The following TEPSIN variants were observed in gnomAD, a reference collection of about 807,000 sequenced individuals.
TEPSIN encodes the protein AP-4 complex accessory subunit tepsin.
Under a neutral mutation model 48.5 loss-of-function variants are expected in TEPSIN, and 50 were observed. That is an observed-to-expected ratio of 1.03 (90% CI 0.82 to 1.31). TEPSIN has a LOEUF of 1.31. TEPSIN is among the 50% of genes most tolerant of loss of function. The pLI is 0.00. For missense variants in TEPSIN, 838 were observed against 815.9 expected, an observed-to-expected ratio of 1.03 and a Z score of -0.33; for synonymous variants, 392 against 358.8, an observed-to-expected ratio of 1.09 and a Z score of -1.05.
chr17:81,238,971 A>G lies in TEPSIN; in HGVS notation c.48+15T>C, dbSNP rs1431356141. ...AGCCGTGGGACCGGGGCCCGGGCGG[A>G]CCGCCCTCACTCACCCGGTGTAGAA... On this transcript the variant is annotated intron_variant, in intron 1 of 12. Transcript: ENST00000637944. 4.8e-6 allele frequency: 7 copies of G among 1,447,382 alleles called. No homozygotes were observed. Among genetic ancestry groups the G allele is most frequent in the East Asian group, 6.1e-5 (2 of 33,026 alleles). 89.7% of individuals were successfully genotyped at this position (1,447,382 alleles called of 1,614,324 possible).
rs879020289 is a variant in TEPSIN, at chr17:81,231,946, G to T, written c.806C>A (p.Ser269Tyr). The change falls in exon 9 of 13, where the codon TCC (serine) becomes TAC (tyrosine). Residue 269 changes from serine to tyrosine, a missense_variant. Transcript: ENST00000637944. ...LDSGPSSQNS[S>Y]QNSDLSRVSD... ...GACCCTGCTCAGGTCGCTGTTCTGG[G>T]AGGAATTCTGAGAGCTGGGGCCGCT... 6.2e-7 allele frequency: 1 copy of T among 1,613,540 alleles called. No homozygotes were observed.
Position 81,231,385 on chromosome 17 carries a change from G to A in TEPSIN, c.1098+13C>T, listed in dbSNP as rs373829663. ...CACACAGTCACGCCCTCCCGCCCGC[G>A]TGTGCAGCTCACCAGCTGCGTGCAT... On this transcript the variant is annotated intron_variant, in intron 11 of 12. Transcript: ENST00000637944. 2.2e-5 allele frequency: 34 copies of A among 1,538,384 alleles called. No individual in the cohort carries two copies. The highest frequency in any genetic ancestry group is 2.7e-5 in the African/African-American group (2 of 72,964).
At position 81,233,602 on chromosome 17, in the gene TEPSIN, G is replaced by T; in HGVS notation, c.454+36C>A. The T allele has an allele frequency of 6.3e-7, 1 of 1,577,476 alleles. No individual in the cohort carries two copies. Among genetic ancestry groups the T allele is most frequent in the African/African-American group, 1.3e-5 (1 of 74,654 alleles). ...GGACACTCAAGGAGGCAGAAACCAG[G>T]TGCCAGAGCTGGACACGGTCCCCTC... On this transcript the variant is annotated intron_variant, in intron 6 of 12. Coordinates refer to ENST00000637944, the MANE Select transcript of TEPSIN (RefSeq NM_001363764.2). This position sits in a 1 kb window ranked among gnomAD's most constrained non-coding sequence, Gnocchi z 5.8.
rs934734012 is a variant in TEPSIN at position 81,234,854 on chromosome 17, G to T, written c.308-806C>A. ...GCCCCTGCTCTGTGACAGAGCAGGA[G>T]CATCACCATCTTGGACAAGCCCCTC... On this transcript the variant is annotated intron_variant, in intron 4 of 12. Transcript: ENST00000637944. This position sits in a 1 kb window ranked among gnomAD's most constrained non-coding sequence, Gnocchi z 5.4. 2.0e-5 allele frequency among the ~76,000 whole-genome samples: 3 copies of T among 152,132 alleles called. No individual in the cohort carries two copies. Among genetic ancestry groups the T allele is most frequent in the Non-Finnish European group, 4.4e-5 (3 of 68,014 alleles).
chr17:81,229,599 C>T (rs2062546175), intron 12 of TEPSIN, 123 bp from the exon 13 acceptor site: 5 of 1,036,336 alleles, frequency 4.8e-6, no homozygotes, highest in Non-Finnish European at 7.1e-6. Flanking sequence ...CACCTCTGGG[C>T]AGGACACCGG....
At position 81,229,293 on chromosome 17, in the gene TEPSIN, C is replaced by A; in HGVS notation, c.1417G>T (p.Ala473Ser). 1 of 1,575,368 alleles carries A rather than the reference C, an allele frequency of 6.3e-7. No individual in the cohort carries two copies. Among genetic ancestry groups the A allele is most frequent in the Non-Finnish European group, 8.6e-7 (1 of 1,160,484 alleles). Residue 473 changes from alanine to serine, a missense_variant, in exon 13 of 13, where the codon GCT (alanine) becomes TCT (serine). Physicochemically the swap from Ala to Ser is moderately conservative, Grantham distance 99. Coordinates refer to ENST00000637944, the MANE Select transcript of TEPSIN (RefSeq NM_001363764.2). ...SSTPVSSRSP[A>S]PSSGMPSSPV... ...CTGGACGGCATCCCAGATGAGGGAG[C>A]AGGGCTCCGGGACGAGACCGGGGTT...
At position 81,230,600 on chromosome 17, in the gene TEPSIN, A is replaced by G; in HGVS notation, c.1177T>C (p.Trp393Arg). The G allele has an allele frequency of 6.2e-7, 1 of 1,610,114 alleles. No homozygotes were observed. The highest frequency in any genetic ancestry group is 8.5e-7 in the Non-Finnish European group (1 of 1,178,304). ...QEHILLRTRP[W>R]LQELSMGSPG... ...CTGCCCATGCTGAGCTCCTGCAGCC[A>G]CGGCCGGGTGCGGAGGAGGATGTGC... The change falls in exon 12 of 13, where the codon TGG becomes CGG. Residue 393 changes from tryptophan (W) to arginine (R), a missense_variant. Transcript: ENST00000637944. This position sits in a 1 kb window ranked among gnomAD's most constrained non-coding sequence, Gnocchi z 4.2.
rs754881954 is a variant in TEPSIN, at chr17:81,232,006, G to C, written c.746C>G (p.Pro249Arg). 1 of 1,610,070 alleles carries C rather than the reference G, an allele frequency of 6.2e-7. No homozygotes were observed. Among genetic ancestry groups the C allele is most frequent in the East Asian group, 2.2e-5 (1 of 44,870 alleles). The change falls in exon 9 of 13, where the codon CCT becomes CGT. Residue 249 changes from proline (P) to arginine (R), a missense_variant. Transcript: ENST00000637944. The stretch of plus-strand genomic sequence containing the variant: ...ATCCCAGCCCCCTCCGGCCTGCCCA[G>C]GCTGATGCCTCACAGCTGGAGGAAA... ...IPGPRAVRHQ[P>R]GQAGGGWDEL... is the part of the protein sequence containing the mutation.
chr17:81,232,183 G>A (rs113300423), intron 8 of TEPSIN, 132 bp downstream of exon 8: 1 of 1,313,516 alleles, frequency 7.6e-7, no homozygotes, highest in African/African-American at 1.5e-5. Context: ...CCATGGGCAT[G>A]TGCTTCCGCC....
In TEPSIN at chr17:81,238,850, C is replaced by T; in HGVS notation, c.48+136G>A. 4 of 1,350,130 alleles carry T rather than the reference C, an allele frequency of 3.0e-6. No homozygotes were observed. The South Asian group carries it at 7.1e-5, about 24-fold the overall frequency. The allele number at this position is 1,350,130 out of a possible 1,614,324, so 83.6% of individuals were successfully genotyped here. On this transcript the variant is annotated intron_variant, in intron 1 of 12. Coordinates refer to ENST00000637944, the MANE Select transcript of TEPSIN (RefSeq NM_001363764.2). ...CGGGCGGGCAGCTCAGGGGCGTCGG[C>T]GCGGGCGAAGGGGCCAGGAGCAGCT... is the stretch of plus-strand genomic sequence containing the variant.
intron 4 of TEPSIN, among the ~76,000 whole-genome samples, chr17:81,235,821 T>C (rs1433299028): frequency 6.6e-6 from 1 of 152,212 alleles, no homozygotes. Flanking sequence ...GCCTAAGTCA[T>C]GTGTCACAAC....
Position 81,230,425 on chromosome 17 carries a change from G to A in TEPSIN, c.1233+119C>T, listed in dbSNP as rs1375978348. 5 of 1,412,198 alleles carry A rather than the reference G, an allele frequency of 3.5e-6. No individual in the cohort carries two copies. In the African/African-American group the frequency reaches 5.7e-5, roughly 16 times the overall value. 87.5% of individuals were successfully genotyped at this position (1,412,198 alleles called of 1,614,324 possible). A position where few individuals can be genotyped will look rare whatever the true frequency, so the allele number is the denominator to read the frequency against. ...CTCTGCCAGCGGGACAGGGACTTGA[G>A]AGGGGGTCCGGGAAGGGCTGACCAG... On this transcript the variant is annotated intron_variant, in intron 12 of 12. Transcript: ENST00000637944. This position sits in a 1 kb window ranked among gnomAD's most constrained non-coding sequence, Gnocchi z 4.2.
chr17:81,232,426 G>A lies in TEPSIN; in HGVS notation c.619C>T (p.Arg207Trp), dbSNP rs112099220. The A allele has an allele frequency of 2.4e-3, 3,637 of 1,535,794 alleles. 78 individuals carry two copies. In the African/African-American group the frequency reaches 0.042, roughly 18 times the overall value. ...MRPGPESPST[R>W]RLLPRGDTYQ... ...GTGTCACCCCGCGGCAGGAGCCTCCGGGTACTGGGACTCTCGGGCCCGGGG... is the reference window on the plus strand; with the variant it reads ...GTGTCACCCCGCGGCAGGAGCCTCCAGGTACTGGGACTCTCGGGCCCGGGG... The change falls in exon 8 of 13, where the codon CGG (arginine) becomes TGG (tryptophan). Residue 207 changes from arginine (R) to tryptophan (W), a missense_variant. By Grantham distance (101) the Arg-to-Trp change is moderately radical. Transcript: ENST00000637944.
rs2062778111 is a variant in TEPSIN at position 81,239,009 on chromosome 17, C to T, written c.25G>A (p.Asp9Asn). 2.7e-6 allele frequency: 4 copies of T among 1,490,074 alleles called. No homozygotes were observed. Among genetic ancestry groups the T allele is most frequent in the Admixed American group, 2.4e-5 (1 of 42,324 alleles). 92.3% of individuals were successfully genotyped at this position (1,490,074 alleles called of 1,614,324 possible). ...ACCCGGTGTAGAAAGCTCAGGCGGT[C>T]CCGTAGCGGCGGCGCGGCAGCCATG... MAAAPPLR[D>N]RLSFLHRLPI... Residue 9 changes from aspartate (D) to asparagine (N), a missense_variant, in exon 1 of 13, where the codon GAC (aspartate) becomes AAC (asparagine). Physicochemically the swap from Asp to Asn is conservative, Grantham distance 23. Coordinates refer to ENST00000637944, the MANE Select transcript of TEPSIN (RefSeq NM_001363764.2).
In TEPSIN at chr17:81,233,488, GCCTGGGAGC is replaced by G; in HGVS notation, c.461_469del (p.Gly154_Gln156del). 6.2e-7 allele frequency: 1 copy of G among 1,604,694 alleles called. No individual in the cohort carries two copies. The highest frequency in any genetic ancestry group is 1.1e-5 in the South Asian group (1 of 90,102). ...ACCCTGGAGGGTGCTGTGCGGCCTG[GCCTGGGAGC>G]CCATGCCTGCAGAGGGTCCTCCGTT... is the stretch of plus-strand genomic sequence containing the variant. On this transcript the variant is annotated inframe_deletion, in exon 7 of 13. Transcript: ENST00000637944. The surrounding 1 kb of genome is among the most constrained non-coding windows in gnomAD (Gnocchi z 5.8).
In TEPSIN at chr17:81,230,439, A is replaced by C; in HGVS notation, c.1233+105T>G. 1 of 1,488,842 alleles carries C rather than the reference A, an allele frequency of 6.7e-7. No individual in the cohort carries two copies. 92.2% of individuals were successfully genotyped at this position (1,488,842 alleles called of 1,614,324 possible). A position where few individuals can be genotyped will look rare whatever the true frequency, so the allele number is the denominator to read the frequency against. On this transcript the variant is annotated intron_variant, in intron 12 of 12. Coordinates refer to ENST00000637944, the MANE Select transcript of TEPSIN (RefSeq NM_001363764.2). The surrounding 1 kb of genome is among the most constrained non-coding windows in gnomAD (Gnocchi z 4.2). ...CAGGGACTTGAGAGGGGGTCCGGGA[A>C]GGGCTGACCAGGCGCCGGGCAGGGA... is the stretch of plus-strand genomic sequence containing the variant.
Position 81,234,103 on chromosome 17 carries a change from C to CA in TEPSIN, c.308-56_308-55insT. 1 of 1,473,700 alleles carries CA rather than the reference C, an allele frequency of 6.8e-7. No homozygotes were observed. The highest frequency in any genetic ancestry group is 9.0e-7 in the Non-Finnish European group (1 of 1,105,634). The allele number at this position is 1,473,700 out of a possible 1,614,324, so 91.3% of individuals were successfully genotyped here. A position where few individuals can be genotyped will look rare whatever the true frequency, so the allele number is the denominator to read the frequency against. ...AGGGCTGAGCCTGGCACCGCTGCTC[C>CA]CTGTGGAGCACGGTGCCCTGGGCCC... On this transcript the variant is annotated intron_variant, in intron 4 of 12. Transcript: ENST00000637944. This position sits in a 1 kb window ranked among gnomAD's most constrained non-coding sequence, Gnocchi z 5.4.
chr17:81,232,851 C>A (rs1400410364), intron 7 of TEPSIN: 4 of 304,916 alleles, frequency 1.3e-5, no homozygotes, highest in East Asian at 6.3e-5. Context: ...GAGGGGCCGG[C>A]CTTTCCTGTG....
Position 81,234,198 on chromosome 17 carries a change from C to A in TEPSIN, c.308-150G>T, listed in dbSNP as rs541699320. On this transcript the variant is annotated intron_variant, in intron 4 of 12. Coordinates refer to ENST00000637944, the MANE Select transcript of TEPSIN (RefSeq NM_001363764.2). The surrounding 1 kb of genome is among the most constrained non-coding windows in gnomAD (Gnocchi z 5.4). ...GCCAATGGGATGCCCTCCTCCAGGA[C>A]CCTGCAGAGGCCACACCTGAGCAGA... 8 of 612,444 alleles carry A rather than the reference C, an allele frequency of 1.3e-5. No individual in the cohort carries two copies. In the African/African-American group the frequency reaches 1.3e-4, roughly 10 times the overall value. 37.9% of individuals were successfully genotyped at this position (612,444 alleles called of 1,614,324 possible).
Sources: allele counts gnomAD v4.1 joint callset (sites outside exome capture counted in the v4.1 genomes callset), GRCh38; gene constraint gnomAD v4.1.1; non-coding constraint Gnocchi (gnomAD v3.1); transcripts MANE v1.5; gene names NCBI Gene and HGNC (gene_info 2026-07-23, HGNC 2026-07-21).